Variants in PDE4D observed in about 807,000 individuals in gnomAD.
PDE4D encodes the protein 3',5'-cyclic-AMP phosphodiesterase 4D.
In PDE4D, 24 loss-of-function variants were observed where a neutral mutation model predicts 87.4. That is an observed-to-expected ratio of 0.27 (90% CI 0.20 to 0.39). The LOEUF is 0.39. Ranked by LOEUF, PDE4D falls within the 10% of genes least tolerant of loss-of-function variation. PDE4D has a pLI of 1.00. For synonymous variants in PDE4D, 384 were observed against 383.2 expected, an observed-to-expected ratio of 1.00 and a Z score of -0.02; for missense variants, 714 against 1,041.0, an observed-to-expected ratio of 0.69 and a Z score of 4.32.
At chr5:59,016,249 A>C (rs1753943357) in intron 6 of PDE4D, among the ~76,000 whole-genome samples, 1 of 152,062 alleles carries the variant, frequency 6.6e-6, no homozygotes, top group African/African-American at 2.4e-5. Context: ...CACATTGTGC[A>C]CATGTACCCT....
At chr5:59,768,668 G>A in intron 1 of PDE4D, 2 of 1,489,244 alleles carry the variant, frequency 1.3e-6, no homozygotes, top group South Asian at 2.7e-5. Context: ...GCTGGGTGCA[G>A]AGGAGGCGAG....
intron 1 of PDE4D, among the ~76,000 whole-genome samples, chr5:59,645,669 C>G (rs964255990): frequency 6.6e-6 from 1 of 152,084 alleles, no homozygotes; most frequent in African/African-American, 2.4e-5. Flanking sequence ...ATCAATGTGC[C>G]CAGAGCTTCA....
intron 2 of PDE4D, among the ~76,000 whole-genome samples, chr5:60,014,861 A>G (rs1765366179): frequency 6.6e-6 from 1 of 152,230 alleles, no homozygotes; most frequent in Non-Finnish European, 1.5e-5. Context: ...CTTACAGAAA[A>G]GGAAGGTTAA....
intron 1 of PDE4D, among the ~76,000 whole-genome samples, chr5:60,437,556 T>A (rs566105838): frequency 6.6e-6 from 1 of 152,258 alleles, no homozygotes; most frequent in African/African-American, 2.4e-5. Flanking sequence ...TGTTTCCCAA[T>A]AACCTACTGG....
chr5:60,395,929 C>T (rs1762856044), intron 1 of PDE4D, among the ~76,000 whole-genome samples: 2 of 152,066 alleles, frequency 1.3e-5, no homozygotes, highest in Non-Finnish European at 2.9e-5. Context: ...GTAGAGTGGT[C>T]CAGGTTGTTT....
At chr5:60,128,503 T>C (rs556010250) in intron 2 of PDE4D, among the ~76,000 whole-genome samples, 2 of 152,260 alleles carry the variant, frequency 1.3e-5, no homozygotes, top group Admixed American at 6.5e-5. Context: ...ATTCACATAC[T>C]GATGGGAGAG....
Position 59,866,224 on chromosome 5 carries a change from C to CT in PDE4D, c.455+26943dup, listed in dbSNP as rs962425658. ...GCAGACAGGACTCCTATACATACTT[C>CT]TTTTTTTGTTTATTGAAAATCTTAT... is the stretch of plus-strand genomic sequence containing the variant. On this transcript the variant is annotated intron_variant, in intron 1 of 14. Coordinates refer to ENST00000340635, the MANE Select transcript of PDE4D (RefSeq NM_001104631.2). Among the ~76,000 whole-genome samples, 161 of 152,072 alleles carry CT rather than the reference C, an allele frequency of 1.1e-3. 1 individual carries two copies. The highest frequency in any genetic ancestry group is 3.7e-3 in the African/African-American group (153 of 41,430).
chr5:58,982,312 C>T (rs1745370451), intron 11 of PDE4D, among the ~76,000 whole-genome samples: 1 of 152,120 alleles, frequency 6.6e-6, no homozygotes, highest in Non-Finnish European at 1.5e-5. Flanking sequence ...CAAGGTCTTG[C>T]CTCCTAGCTG....
chr5:59,242,093 T>C (rs1437651614), intron 1 of PDE4D, among the ~76,000 whole-genome samples: 1 of 152,154 alleles, frequency 6.6e-6, no homozygotes, highest in Non-Finnish European at 1.5e-5. Flanking sequence ...TCAATATCCA[T>C]TTTTAAGAAC....
intron 1 of PDE4D, among the ~76,000 whole-genome samples, chr5:59,267,244 C>A (rs1379933052): frequency 6.6e-6 from 1 of 151,950 alleles, no homozygotes; most frequent in Non-Finnish European, 1.5e-5. Flanking sequence ...AGTAATTTAT[C>A]CTGACTAAAA....
At chr5:60,138,596 A>T (rs1036849105) in intron 2 of PDE4D, among the ~76,000 whole-genome samples, 1 of 151,762 alleles carries the variant, frequency 6.6e-6, no homozygotes, top group African/African-American at 2.4e-5. Context: ...CATACATAGA[A>T]GTTTAAATCA....
intron 1 of PDE4D, among the ~76,000 whole-genome samples, chr5:59,786,111 G>A (rs142647666): frequency 7.6e-4 from 116 of 152,132 alleles, no homozygotes; most frequent in African/African-American, 2.6e-3. Flanking sequence ...CCCCATCCCC[G>A]GCATCTATTT....
chr5:59,551,672 C>T (rs1364701787), intron 1 of PDE4D, among the ~76,000 whole-genome samples: 2 of 151,954 alleles, frequency 1.3e-5, no homozygotes, highest in African/African-American at 4.8e-5. Context: ...CAACCTTTAC[C>T]CACTGTGCTT....
At chr5:60,127,991 G>C (rs970039393) in intron 2 of PDE4D, among the ~76,000 whole-genome samples, 5 of 152,118 alleles carry the variant, frequency 3.3e-5, no homozygotes, top group Non-Finnish European at 5.9e-5. Context: ...GGAAAACTGG[G>C]AGATAGTTGC....
At chr5:60,017,332 A>G (rs1765625476) in intron 2 of PDE4D, among the ~76,000 whole-genome samples, 1 of 152,152 alleles carries the variant, frequency 6.6e-6, no homozygotes, top group South Asian at 2.1e-4. Context: ...CGTGCAGGAC[A>G]TGCAGGTTTG....
intron 1 of PDE4D, among the ~76,000 whole-genome samples, chr5:60,359,813 C>T (rs16877926): frequency 0.1 from 15,552 of 152,148 alleles, 996 homozygotes; most frequent in South Asian, 0.28. Flanking sequence ...GTCTGATCCA[C>T]CTGTTCTCTT....
At chr5:59,296,470 G>A (rs916718282) in intron 1 of PDE4D, among the ~76,000 whole-genome samples, 4 of 152,008 alleles carry the variant, frequency 2.6e-5, no homozygotes, top group Admixed American at 6.6e-5. Context: ...TAAAGTCTGA[G>A]TGACTAGTAG....
chr5:60,460,682 G>A lies in PDE4D; in HGVS notation c.-90+27260C>T, dbSNP rs1477258763. 18 of 1,013,502 alleles carry A rather than the reference G, an allele frequency of 1.8e-5. No homozygotes were observed. The Admixed American group carries it at 3.0e-4, about 17-fold the overall frequency. The allele number at this position is 1,013,502 out of a possible 1,614,324, so 62.8% of individuals were successfully genotyped here. A position where few individuals can be genotyped will look rare whatever the true frequency, so the allele number is the denominator to read the frequency against. On this transcript the variant is annotated intron_variant, in intron 1 of 16. Coordinates refer to the PDE4D transcript ENST00000502484. ...AATGTCTCCTCCGGTCCCAGAGCAGGAGGCATTCTTGGTTTCTTCTTTTGA... is the reference window on the plus strand; with the variant it reads ...AATGTCTCCTCCGGTCCCAGAGCAGAAGGCATTCTTGGTTTCTTCTTTTGA...
intron 1 of PDE4D, among the ~76,000 whole-genome samples, chr5:59,300,756 T>C (rs1286143103): frequency 6.6e-6 from 1 of 152,056 alleles, no homozygotes; most frequent in African/African-American, 2.4e-5. Flanking sequence ...CTGGAGATAA[T>C]GTCAGATCCC....
Sources: allele counts gnomAD v4.1 joint callset (sites outside exome capture counted in the v4.1 genomes callset), GRCh38; gene constraint gnomAD v4.1.1; transcripts MANE v1.5; gene names NCBI Gene and HGNC (gene_info 2026-07-23, HGNC 2026-07-21).